Variants in ENOX1 observed in about 807,000 individuals in gnomAD.
ENOX1 encodes ecto-NOX disulfide-thiol exchanger 1.
Under a neutral mutation model 82.5 loss-of-function variants are expected in ENOX1, and 42 were observed. The observed-to-expected ratio is 0.51, with a 90% CI of 0.40 to 0.66. The LOEUF is 0.66. Among genes scored for constraint, ENOX1 ranks in the 30% least tolerant of loss-of-function variants. ENOX1 has a pLI of 0.00. For missense variants in ENOX1, 608 were observed against 811.6 expected, an observed-to-expected ratio of 0.75 and a Z score of 3.05; for synonymous variants, 271 against 282.2, an observed-to-expected ratio of 0.96 and a Z score of 0.40.
chr13:43,363,383 T>C (rs1394858494), intron 5 of ENOX1, among the ~76,000 whole-genome samples: 1 of 152,070 alleles, frequency 6.6e-6, no homozygotes, highest in African/African-American at 2.4e-5. Flanking sequence ...CCCAACATGA[T>C]TACTCATCTA....
intron 3 of ENOX1, among the ~76,000 whole-genome samples, chr13:43,479,944 T>A (rs1404250715): frequency 2.6e-5 from 4 of 151,944 alleles, no homozygotes; most frequent in East Asian, 1.9e-4. Flanking sequence ...TTTTTATTTT[T>A]TTTTTTTTGA....
chr13:43,227,872 T>A (rs2042097340), intron 15 of ENOX1, among the ~76,000 whole-genome samples: 1 of 152,066 alleles, frequency 6.6e-6, no homozygotes. Context: ...AACCCAATTA[T>A]CCAGTGTTGC....
At chr13:43,386,029 G>C (rs1342744460) in intron 5 of ENOX1, among the ~76,000 whole-genome samples, 2 of 152,118 alleles carry the variant, frequency 1.3e-5, no homozygotes, top group Non-Finnish European at 2.9e-5. Context: ...AGCTGAGTGT[G>C]GGAGCCGGTG....
chr13:43,758,589 T>C lies in ENOX1; in HGVS notation c.-285+28063A>G, dbSNP rs370650201. Among the ~76,000 whole-genome samples the C allele has an allele frequency of 2.1e-3, 319 of 152,370 alleles. 2 individuals carry two copies. The highest frequency in any genetic ancestry group is 0.019 in the South Asian group (91 of 4,828). On this transcript the variant is annotated intron_variant, in intron 1 of 16. Transcript: ENST00000690772. ...TGACTGTGATATTGCACTACAGTTT[T>C]GTAAGATATGACTATTTGGAGAAAT...
chr13:43,722,574 A>G (rs1169521338), intron 1 of ENOX1, among the ~76,000 whole-genome samples: 1 of 152,226 alleles, frequency 6.6e-6, no homozygotes, highest in Non-Finnish European at 1.5e-5. Context: ...ACATAAAATA[A>G]TAACCATAAT....
intron 1 of ENOX1, among the ~76,000 whole-genome samples, chr13:43,678,184 T>A (rs908927065): frequency 2.6e-5 from 4 of 152,212 alleles, no homozygotes; most frequent in African/African-American, 7.2e-5. Context: ...CAATTTAACA[T>A]CAATATGAAA....
intron 2 of ENOX1, among the ~76,000 whole-genome samples, chr13:43,504,760 A>G (rs2077094630): frequency 6.6e-6 from 1 of 151,542 alleles, no homozygotes; most frequent in Non-Finnish European, 1.5e-5. Context: ...CCTATAGTTA[A>G]TATTTTGTAA....
intron 2 of ENOX1, among the ~76,000 whole-genome samples, chr13:43,626,860 G>C (rs2153749064): frequency 6.6e-6 from 1 of 151,942 alleles, no homozygotes; most frequent in East Asian, 1.9e-4. Flanking sequence ...CTGTATAACT[G>C]TCCTATCAAC....
intron 11 of ENOX1, among the ~76,000 whole-genome samples, chr13:43,317,772 G>A (rs571258231): frequency 9.9e-5 from 15 of 152,100 alleles, no homozygotes; most frequent in South Asian, 8.3e-4. Context: ...TTGGGAGGCC[G>A]AGGTGAGCGG....
chr13:43,521,342 C>A (rs1184270771), intron 2 of ENOX1, among the ~76,000 whole-genome samples: 1 of 152,108 alleles, frequency 6.6e-6, no homozygotes, highest in African/African-American at 2.4e-5. Context: ...TGTGATGACA[C>A]ATATTGTGCA....
intron 1 of ENOX1, among the ~76,000 whole-genome samples, chr13:43,676,394 A>T (rs1402980124): frequency 6.6e-6 from 1 of 152,146 alleles, no homozygotes; most frequent in Non-Finnish European, 1.5e-5. Flanking sequence ...TCTGTATACT[A>T]CCTGTACAAG....
chr13:43,344,463 A>C (rs1000383431), intron 9 of ENOX1, 75 bp downstream of exon 9: 29 of 1,257,306 alleles, frequency 2.3e-5, no homozygotes, highest in Non-Finnish European at 3.2e-5. Flanking sequence ...CTTACCCCCA[A>C]ATGAAAAAGT....
At chr13:43,606,513 G>C (rs1382611486) in intron 2 of ENOX1, among the ~76,000 whole-genome samples, 1 of 152,050 alleles carries the variant, frequency 6.6e-6, no homozygotes. Flanking sequence ...ATGCAAAGGA[G>C]GTCGTTATAT....
At chr13:43,354,119 C>T (rs983198487) in intron 8 of ENOX1, among the ~76,000 whole-genome samples, 3 of 143,298 alleles carry the variant, frequency 2.1e-5, no homozygotes, top group Non-Finnish European at 3.1e-5. Flanking sequence ...TCTGATACCA[C>T]AATACATTGG....
intron 2 of ENOX1, among the ~76,000 whole-genome samples, chr13:43,512,101 A>G (rs1202534416): frequency 2.0e-5 from 3 of 152,126 alleles, no homozygotes; most frequent in South Asian, 4.1e-4. Context: ...ACATGTATTC[A>G]TTATTTTATA....
chr13:43,737,804 T>G (rs2089705675), intron 1 of ENOX1, among the ~76,000 whole-genome samples: 1 of 152,192 alleles, frequency 6.6e-6, no homozygotes, highest in Non-Finnish European at 1.5e-5. Context: ...TTATTTAAAA[T>G]ACACATACAG....
chr13:43,326,905 G>A (rs1161059871), intron 9 of ENOX1, among the ~76,000 whole-genome samples: 1 of 152,206 alleles, frequency 6.6e-6, no homozygotes, highest in Non-Finnish European at 1.5e-5. Context: ...TGGGTGCAGA[G>A]AAGTGAAGTC....
At chr13:43,472,259 C>A (rs1375602163) in intron 3 of ENOX1, among the ~76,000 whole-genome samples, 2 of 152,092 alleles carry the variant, frequency 1.3e-5, no homozygotes, top group Non-Finnish European at 2.9e-5. Flanking sequence ...ACGTCTGTAG[C>A]CATAAACCCA....
At chr13:43,720,661 G>A (rs1478689596) in intron 1 of ENOX1, among the ~76,000 whole-genome samples, 2 of 152,152 alleles carry the variant, frequency 1.3e-5, no homozygotes, top group Non-Finnish European at 2.9e-5. Context: ...TGTTTTGTAA[G>A]TGAAGCCTGA....
Sources: allele counts gnomAD v4.1 joint callset (sites outside exome capture counted in the v4.1 genomes callset), GRCh38; gene constraint gnomAD v4.1.1; transcripts MANE v1.5; gene names NCBI Gene and HGNC (gene_info 2026-07-23, HGNC 2026-07-21).